DYRK1A: variants seen among roughly 807,000 people sequenced by gnomAD.
The protein encoded by DYRK1A is dual specificity tyrosine-phosphorylation-regulated kinase 1A.
In DYRK1A, 9 loss-of-function variants were observed where a neutral mutation model predicts 79.7. The ratio of observed to expected loss-of-function variants is 0.11; its 90% confidence interval spans 0.07 to 0.20. The LOEUF (loss-of-function observed/expected upper bound fraction) is 0.20. DYRK1A is among the 10% of genes least tolerant of loss of function. The pLI is 1.00. For synonymous variants in DYRK1A, 349 were observed against 329.7 expected (o/e 1.06, Z -0.63); for missense variants, 622 against 956.0 (o/e 0.65, Z 4.61).
intron 1 of DYRK1A, among the ~76,000 whole-genome samples, chr21:37,379,955 G>A (rs901508429): frequency 2.0e-5 from 3 of 152,172 alleles, no homozygotes; most frequent in East Asian, 1.9e-4. Context: ...CGGATGTTAC[G>A]TTCTGGCTGG....
intron 1 of DYRK1A, among the ~76,000 whole-genome samples, chr21:37,387,392 G>T (rs2049780762): frequency 6.6e-6 from 1 of 152,102 alleles, no homozygotes; most frequent in African/African-American, 2.4e-5. Context: ...TTTCCACCTT[G>T]TATAATCTTG....
chr21:37,480,918 T>A, intron 5 of DYRK1A, 92 bp downstream of exon 5: 1 of 1,057,494 alleles, frequency 9.5e-7, no homozygotes, highest in Non-Finnish European at 1.4e-6. Flanking sequence ...AGTGTACTTT[T>A]AATATTTGCA....
intron 2 of DYRK1A, among the ~76,000 whole-genome samples, chr21:37,454,166 C>G (rs1254094660): frequency 7.1e-6 from 1 of 140,216 alleles, no homozygotes; most frequent in African/African-American, 2.7e-5. Context: ...GATCACAGCT[C>G]ACTGCAGCCT....
chr21:37,414,842 C>T (rs984165082), intron 1 of DYRK1A, among the ~76,000 whole-genome samples: 3 of 152,164 alleles, frequency 2.0e-5, no homozygotes, highest in Admixed American at 2.0e-4. Flanking sequence ...GTCATACAAA[C>T]CTGTGCAAAT....
rs2053926861 is a variant in DYRK1A, at chr21:37,520,453, ATAT to A, written c.*7925_*7927del. 6.6e-6 allele frequency: 1 copy of A among 152,188 alleles called. No homozygotes were observed. The highest frequency in any genetic ancestry group is 2.1e-4 in the South Asian group (1 of 4,822). The allele number at this position is 152,188 out of a possible 1,614,324, so 9.4% of individuals were successfully genotyped here. A position where few individuals can be genotyped will look rare whatever the true frequency, so the allele number is the denominator to read the frequency against. On this transcript the variant is annotated 3_prime_UTR_variant, in exon 12 of 12. Coordinates refer to ENST00000647188, the MANE Select transcript of DYRK1A (RefSeq NM_001347721.2). ...CTTTATTCTGTTGACTTTGTTGATA[ATAT>A]TAGGTGACTACATCGAGCCTGGGTT...
chr21:37,386,699 A>AG (rs11422933), intron 1 of DYRK1A, among the ~76,000 whole-genome samples: 83,103 of 152,004 alleles, frequency 0.55, 23,242 homozygotes, highest in African/African-American at 0.67. Flanking sequence ...TTGGAATTCC[A>AG]GGGACAGGCT....
At chr21:37,369,947 C>T (rs1354060242) in intron 1 of DYRK1A, among the ~76,000 whole-genome samples, 1 of 152,156 alleles carries the variant, frequency 6.6e-6, no homozygotes, top group Admixed American at 6.5e-5. Flanking sequence ...TTAAAACATT[C>T]CATATTAGTG....
chr21:37,393,120 T>C (rs1368615799), intron 1 of DYRK1A, among the ~76,000 whole-genome samples: 1 of 152,262 alleles, frequency 6.6e-6, no homozygotes, highest in African/African-American at 2.4e-5. Context: ...CAGACCATAG[T>C]AGGGCCTTTG....
intron 1 of DYRK1A, among the ~76,000 whole-genome samples, chr21:37,408,315 G>A (rs1017729573): frequency 7.2e-5 from 11 of 152,164 alleles, no homozygotes; most frequent in Admixed American, 3.9e-4. Flanking sequence ...TTAATTTTTC[G>A]AAAAACTCAA....
chr21:37,502,096 A>G (rs1368446406), intron 9 of DYRK1A: 1 of 151,936 alleles, frequency 6.6e-6, no homozygotes, highest in African/African-American at 2.4e-5. Context: ...TGTAGATATG[A>G]AAGATATGAA....
chr21:37,407,927 A>G (rs1166120376), intron 1 of DYRK1A, among the ~76,000 whole-genome samples: 1 of 152,184 alleles, frequency 6.6e-6, no homozygotes, highest in Non-Finnish European at 1.5e-5. Context: ...AGCTGATGAC[A>G]TCTGAAAGGG....
At chr21:37,456,951 A>G (rs1188939401) in intron 2 of DYRK1A, among the ~76,000 whole-genome samples, 1 of 152,200 alleles carries the variant, frequency 6.6e-6, no homozygotes, top group African/African-American at 2.4e-5. Flanking sequence ...TGCTTTATCC[A>G]TACTATCATT....
rs151231780 is a variant in DYRK1A, at chr21:37,463,429, A to G, written c.11-9255A>G. Reference sequence around the variant, plus strand: ...GCACTGCACTGTGTGCTTGGGATATAAAAATGAGTAAGAGCAGTTGACTGA... The same window carrying G: ...GCACTGCACTGTGTGCTTGGGATATGAAAATGAGTAAGAGCAGTTGACTGA... On this transcript the variant is annotated intron_variant, in intron 2 of 11. Coordinates refer to ENST00000647188, the MANE Select transcript of DYRK1A (RefSeq NM_001347721.2). Among the ~76,000 whole-genome samples, 1,072 of 152,342 alleles carry G rather than the reference A, an allele frequency of 7.0e-3. 13 individuals are homozygous for G. Among genetic ancestry groups the G allele is most frequent in the African/African-American group, 0.025 (1,030 of 41,572 alleles).
chr21:37,511,374 G>T (rs748584087), intron 11 of DYRK1A, among the ~76,000 whole-genome samples: 11 of 152,184 alleles, frequency 7.2e-5, no homozygotes, highest in Non-Finnish European at 1.5e-4. Context: ...CATTTAAGGG[G>T]CTGTTGTGTT....
chr21:37,389,317 C>G (rs2049825399), intron 1 of DYRK1A, among the ~76,000 whole-genome samples: 1 of 151,854 alleles, frequency 6.6e-6, no homozygotes. Context: ...GCGTACACCA[C>G]CATGCCCGAC....
At chr21:37,451,638 C>A (rs960694729) in intron 2 of DYRK1A, among the ~76,000 whole-genome samples, 2 of 149,790 alleles carry the variant, frequency 1.3e-5, no homozygotes, top group African/African-American at 4.9e-5. Context: ...CTAGCGTGGG[C>A]GTGCAGTAGG....
chr21:37,454,074 G>T, intron 2 of DYRK1A, among the ~76,000 whole-genome samples: 1 of 132,492 alleles, frequency 7.5e-6, no homozygotes, highest in African/African-American at 2.8e-5. Flanking sequence ...CATATTATGA[G>T]ATGTAGTCTC....
chr21:37,430,505 G>A (rs1265053451), intron 2 of DYRK1A: 15 of 767,758 alleles, frequency 2.0e-5, no homozygotes, highest in Non-Finnish European at 2.4e-5. Flanking sequence ...CAAATACCTG[G>A]GAACCCTTGT....
upstream of DYRK1A, among the ~76,000 whole-genome samples, chr21:37,366,495 C>T (rs1334484183): frequency 6.7e-6 from 1 of 150,098 alleles, no homozygotes; most frequent in African/African-American, 2.4e-5. Flanking sequence ...AGCCCCTACC[C>T]TCCCTCGGCC....
Sources: allele counts gnomAD v4.1 joint callset (sites outside exome capture counted in the v4.1 genomes callset), GRCh38; gene constraint gnomAD v4.1.1; transcripts MANE v1.5; gene names NCBI Gene and HGNC (gene_info 2026-07-23, HGNC 2026-07-21).